The following MAPK8 variants were observed in gnomAD, a reference collection of about 807,000 sequenced individuals.
The protein encoded by MAPK8 is mitogen-activated protein kinase 8.
MAPK8 carries 13 observed loss-of-function variants against 52.9 expected under a neutral mutation model. That is an observed-to-expected ratio of 0.25 (90% CI 0.16 to 0.39). The LOEUF (loss-of-function observed/expected upper bound fraction) is 0.39. MAPK8 is among the 10% of genes least tolerant of loss of function. The pLI is 1.00. For missense variants in MAPK8, 300 were observed against 519.2 expected, an observed-to-expected ratio of 0.58 and a Z score of 4.10; for synonymous variants, 191 against 169.8, an observed-to-expected ratio of 1.12 and a Z score of -0.97.
At chr10:48,404,424 G>A (rs1456527679) in intron 2 of MAPK8, among the ~76,000 whole-genome samples, 2 of 152,072 alleles carry the variant, frequency 1.3e-5, no homozygotes, top group East Asian at 3.9e-4. Flanking sequence ...CCAAAGTGCT[G>A]GGATTACAGG....
chr10:48,327,621 C>G (rs1274843439), intron 1 of MAPK8, among the ~76,000 whole-genome samples: 1 of 152,132 alleles, frequency 6.6e-6, no homozygotes, highest in African/African-American at 2.4e-5. Flanking sequence ...AATGTTCCTT[C>G]TGTTTTTATT....
chr10:48,348,095 C>T (rs193062231), intron 1 of MAPK8, among the ~76,000 whole-genome samples: 7 of 152,274 alleles, frequency 4.6e-5, no homozygotes, highest in South Asian at 4.1e-4. Flanking sequence ...TTCTAACTGG[C>T]GTGAAATGGT....
chr10:48,416,634 A>G (rs1440609273), intron 5 of MAPK8, among the ~76,000 whole-genome samples: 4 of 152,188 alleles, frequency 2.6e-5, no homozygotes, highest in Admixed American at 2.0e-4. Context: ...GCCAAATACC[A>G]TAGATGGAGT....
At chr10:48,405,092 CA>C in intron 3 of MAPK8, 111 bp downstream of exon 3, 3 of 435,196 alleles carry the variant, frequency 6.9e-6, no homozygotes, top group South Asian at 4.6e-5. Context: ...TGTATTAAAA[CA>C]TTGTTTAAAA....
intron 1 of MAPK8, among the ~76,000 whole-genome samples, chr10:48,362,558 TG>T (rs1847632642): frequency 2.0e-5 from 2 of 101,480 alleles, no homozygotes; most frequent in Non-Finnish European, 3.9e-5. Context: ...ATTTTGGGGG[TG>T]GGGGGTGGGA....
intron 1 of MAPK8, among the ~76,000 whole-genome samples, chr10:48,382,191 C>A (rs2041045536): frequency 6.6e-6 from 1 of 152,170 alleles, no homozygotes; most frequent in Non-Finnish European, 1.5e-5. Flanking sequence ...GAGCTTCAGA[C>A]ATCTAGTAGA....
intron 1 of MAPK8, among the ~76,000 whole-genome samples, chr10:48,370,253 C>T (rs1322110386): frequency 5.3e-5 from 8 of 151,828 alleles, no homozygotes; most frequent in Admixed American, 2.6e-4. Flanking sequence ...AAGGTAAAGT[C>T]GAAGACTTAG....
chr10:48,373,127 A>T (rs2040426476), intron 1 of MAPK8, among the ~76,000 whole-genome samples: 1 of 152,162 alleles, frequency 6.6e-6, no homozygotes, highest in African/African-American at 2.4e-5. Context: ...TTTCATATCC[A>T]GCCAAACTAA....
At chr10:48,314,681 C>T (rs1842330613) in intron 1 of MAPK8, among the ~76,000 whole-genome samples, 1 of 152,140 alleles carries the variant, frequency 6.6e-6, no homozygotes, top group Non-Finnish European at 1.5e-5. Flanking sequence ...CTTCTTATTA[C>T]CCTTAGACGT....
intron 1 of MAPK8, among the ~76,000 whole-genome samples, chr10:48,399,123 A>G (rs1410872519): frequency 6.6e-6 from 1 of 152,102 alleles, no homozygotes; most frequent in Non-Finnish European, 1.5e-5. Flanking sequence ...CTGAGCCCAG[A>G]CTGGCATAGG....
intron 5 of MAPK8, among the ~76,000 whole-genome samples, chr10:48,414,474 A>G (rs2042950994): frequency 7.1e-6 from 1 of 141,288 alleles, no homozygotes; most frequent in Admixed American, 7.2e-5. Context: ...TTCCTGAGAG[A>G]CAGAATCTTC....
At chr10:48,407,934 C>T (rs894165712) in intron 3 of MAPK8, among the ~76,000 whole-genome samples, 3 of 152,116 alleles carry the variant, frequency 2.0e-5, no homozygotes, top group Admixed American at 1.3e-4. Context: ...GCATTGCATG[C>T]GGTTGGTAGA....
At chr10:48,413,059 A>G (rs2042848711) in intron 5 of MAPK8, among the ~76,000 whole-genome samples, 1 of 152,198 alleles carries the variant, frequency 6.6e-6, no homozygotes, top group Non-Finnish European at 1.5e-5. Flanking sequence ...CCTCCTTGCA[A>G]CTGGCTTATT....
intron 1 of MAPK8, among the ~76,000 whole-genome samples, chr10:48,332,348 A>G (rs191525199): frequency 2.0e-5 from 3 of 152,190 alleles, no homozygotes. Context: ...CAACTTCCAC[A>G]TACTTGTTTA....
intron 1 of MAPK8, among the ~76,000 whole-genome samples, chr10:48,312,995 C>A (rs1375711601): frequency 6.6e-6 from 1 of 152,120 alleles, no homozygotes; most frequent in Non-Finnish European, 1.5e-5. Flanking sequence ...ATCCTTTGTT[C>A]AAAATCCTTG....
chr10:48,346,998 G>A (rs1021509957), intron 1 of MAPK8, among the ~76,000 whole-genome samples: 1 of 152,044 alleles, frequency 6.6e-6, no homozygotes, highest in African/African-American at 2.4e-5. Flanking sequence ...CCAGACATTC[G>A]GGGCCACTAC....
At chr10:48,351,582 A>G (rs73294817) in intron 1 of MAPK8, among the ~76,000 whole-genome samples, 1 of 151,226 alleles carries the variant, frequency 6.6e-6, no homozygotes, top group Non-Finnish European at 1.5e-5. Context: ...GAAATAAATT[A>G]AAAAAAAAGG....
intron 6 of MAPK8, among the ~76,000 whole-genome samples, chr10:48,423,370 A>G (rs530856060): frequency 2.0e-5 from 3 of 152,320 alleles, no homozygotes; most frequent in Admixed American, 6.5e-5. Context: ...TGGGTTTAAA[A>G]AACTTTAGGT....
At chr10:48,375,478 T>C (rs1472599881) in intron 1 of MAPK8, among the ~76,000 whole-genome samples, 1 of 108,620 alleles carries the variant, frequency 9.2e-6, no homozygotes, top group Non-Finnish European at 1.8e-5. Flanking sequence ...CATGATTGTA[T>C]ATTTAAAAAA....
Sources: gnomAD v4.1 joint callset for allele counts (sites outside exome capture counted in the v4.1 genomes callset) on GRCh38, gnomAD v4.1.1 for gene constraint, MANE v1.5 for transcripts, NCBI Gene and HGNC (gene_info 2026-07-23, HGNC 2026-07-21) for gene names.